The following POLQ variants were observed in gnomAD, a reference collection of about 807,000 sequenced individuals.
POLQ encodes the protein epididymis secretory sperm binding protein.
In POLQ, 233 loss-of-function variants were observed where a neutral mutation model predicts 259.2. The observed-to-expected ratio is 0.90, with a 90% CI of 0.81 to 1.00. The LOEUF (loss-of-function observed/expected upper bound fraction) is 1.00, where lower values mean the gene tolerates loss of function less well. POLQ is among the 50% of genes least tolerant of loss of function. POLQ has a pLI of 0.00. For missense variants in POLQ, 2,871 were observed against 3,051.6 expected (o/e 0.94, Z 1.39); for synonymous variants, 1,025 against 1,048.8 (o/e 0.98, Z 0.44).
chr3:121,531,056 G>A lies in POLQ; in HGVS notation c.961-1264C>T, dbSNP rs141497439. ...TACAAAATTAGTTGGGCATGGTGGC[G>A]CATGTCTGTAATCCCAGCTACTCGG... On this transcript the variant is annotated intron_variant, in intron 6 of 29. Transcript: ENST00000264233. Among the ~76,000 whole-genome samples the A allele has an allele frequency of 3.9e-5, 6 of 152,174 alleles. No individual in the cohort carries two copies. In the East Asian group the frequency reaches 5.8e-4, roughly 15 times the overall value.
intron 4 of POLQ, among the ~76,000 whole-genome samples, chr3:121,538,381 T>C (rs188958774): frequency 3.9e-4 from 59 of 152,108 alleles, no homozygotes; most frequent in African/African-American, 1.3e-3. Flanking sequence ...GTTAAACATT[T>C]TCATAACAAC....
intron 12 of POLQ, among the ~76,000 whole-genome samples, chr3:121,507,731 A>G (rs1294186086): frequency 6.6e-5 from 10 of 152,224 alleles, no homozygotes; most frequent in Non-Finnish European, 1.3e-4. Flanking sequence ...TACTCAAAAA[A>G]TAAATAAATA....
chr3:121,473,365 C>A lies in POLQ; in HGVS notation c.6528G>T (p.Gln2176His). The A allele has an allele frequency of 6.2e-7, 1 of 1,613,868 alleles. No individual in the cohort carries two copies. The highest frequency in any genetic ancestry group is 1.1e-5 in the South Asian group (1 of 90,984). ...DNGRKLRLGR[Q>H]FSTSKDVLNK... is the part of the protein sequence containing the mutation. Reference sequence around the variant, plus strand: ...CAAAGAGCACCTTACTAGTGCTGAACTGTCTTCCCAGCCTTAGCTTGCGTC... The same window carrying A: ...CAAAGAGCACCTTACTAGTGCTGAAATGTCTTCCCAGCCTTAGCTTGCGTC... The change falls in exon 21 of 30, where the codon CAG (glutamine) becomes CAT (histidine). Residue 2176 changes from glutamine to histidine, a missense_variant. Physicochemically the swap from Gln to His is conservative, Grantham distance 24. This residue lies in a region of POLQ where 2,080 missense variants were observed against 2,126.0 expected (regional missense o/e 0.98). Coordinates refer to ENST00000264233, the MANE Select transcript of POLQ (RefSeq NM_199420.4).
At chr3:121,461,849 T>C (rs767166752) in intron 24 of POLQ, among the ~76,000 whole-genome samples, 1 of 152,162 alleles carries the variant, frequency 6.6e-6, no homozygotes, top group Non-Finnish European at 1.5e-5. Context: ...GGAAGGATAG[T>C]GTAGATGACA....
At chr3:121,457,425 G>A (rs1294368903) in intron 25 of POLQ, among the ~76,000 whole-genome samples, 10 of 152,070 alleles carry the variant, frequency 6.6e-5, no homozygotes, top group South Asian at 2.1e-4. Context: ...AGCAAAAGAA[G>A]CTACCATCAG....
Position 121,529,765 on chromosome 3 carries a change from A to C in POLQ, c.988T>G (p.Cys330Gly). Reference protein sequence around the residue: ...KGDEDHVVSLCYETICDNHSV... With the variant: ...KGDEDHVVSLGYETICDNHSV... ...TGGTTATCACAAATCGTCTCATAAC[A>C]TAAACTAACAACATGGTCCTCATCT... Residue 330 changes from cysteine (C) to glycine (G), a missense_variant, in exon 7 of 30, where the codon TGT becomes GGT. By Grantham distance (159) the Cys-to-Gly change is radical (BLOSUM62 -3). This residue lies in a region of POLQ where 783 missense variants were observed against 906.2 expected (regional missense o/e 0.86). Coordinates refer to ENST00000264233, the MANE Select transcript of POLQ (RefSeq NM_199420.4). The C allele has an allele frequency of 3.1e-6, 5 of 1,612,230 alleles. No homozygotes were observed. Among genetic ancestry groups the C allele is most frequent in the Non-Finnish European group, 4.2e-6 (5 of 1,179,028 alleles).
At chr3:121,454,903 C>A (rs1322471584) in intron 25 of POLQ, among the ~76,000 whole-genome samples, 3 of 152,172 alleles carry the variant, frequency 2.0e-5, no homozygotes, top group Non-Finnish European at 2.9e-5. Flanking sequence ...CTACAGAACT[C>A]TCCACCCCAA....
At chr3:121,475,244 T>C (rs2047916607) in intron 20 of POLQ, among the ~76,000 whole-genome samples, 1 of 152,186 alleles carries the variant, frequency 6.6e-6, no homozygotes, top group Non-Finnish European at 1.5e-5. Context: ...TAACAGCTGT[T>C]CCACTTTCCA....
intron 7 of POLQ, among the ~76,000 whole-genome samples, chr3:121,527,226 A>C (rs1440477044): frequency 6.6e-6 from 1 of 151,930 alleles, no homozygotes; most frequent in African/African-American, 2.4e-5. Flanking sequence ...ACGCCTGGCT[A>C]ATTTTTATAT....
chr3:121,452,748 G>A (rs980981579), intron 25 of POLQ, among the ~76,000 whole-genome samples: 14 of 152,200 alleles, frequency 9.2e-5, no homozygotes, highest in Non-Finnish European at 1.6e-4. Flanking sequence ...CTCAAACTGA[G>A]TGGAGCCCAC....
At chr3:121,539,664 A>G in intron 3 of POLQ, 75 bp from the exon 4 acceptor site, 1 of 1,084,700 alleles carries the variant, frequency 9.2e-7, no homozygotes, top group Non-Finnish European at 1.4e-6. Context: ...TCTATCCCAG[A>G]ACATAGACAT....
intron 18 of POLQ, 147 bp from the exon 19 acceptor site, chr3:121,481,959 G>A: frequency 4.1e-6 from 3 of 728,952 alleles, no homozygotes; most frequent in Non-Finnish European, 6.5e-6. Context: ...CAGGAAAGAA[G>A]GAAAGAATAA....
intron 25 of POLQ, 120 bp downstream of exon 25, chr3:121,459,930 C>T: frequency 1.3e-6 from 1 of 759,952 alleles, no homozygotes; most frequent in Non-Finnish European, 2.2e-6. Context: ...ATGAACTGTG[C>T]TTTGAAAGAT....
chr3:121,470,343 T>C (rs1301089351), intron 22 of POLQ, among the ~76,000 whole-genome samples: 1 of 152,208 alleles, frequency 6.6e-6, no homozygotes, highest in Non-Finnish European at 1.5e-5. Flanking sequence ...CGTAAGTTTA[T>C]ATCATTAGCA....
chr3:121,440,068 C>T lies in POLQ; in HGVS notation c.7313G>A (p.Gly2438Glu), dbSNP rs2047577760. 6.2e-7 allele frequency: 1 copy of T among 1,610,030 alleles called. No homozygotes were observed. Among genetic ancestry groups the T allele is most frequent in the South Asian group, 1.1e-5 (1 of 91,002 alleles). ...CCTTCCCAAAATGGTCTGAACAAATCCGTCTCTTTTACAATTCTTCACTGT... is the reference window on the plus strand; with the variant it reads ...CCTTCCCAAAATGGTCTGAACAAATTCGTCTCTTTTACAATTCTTCACTGT... ...TETVKNCKRD[G>E]FVQTILGRRR... is the part of the protein sequence containing the mutation. The change falls in exon 27 of 30, where the codon GGA becomes GAA. Residue 2438 changes from glycine (G) to glutamate (E), a missense_variant. Gly to Glu is a moderately conservative substitution (Grantham distance 98). Coordinates refer to ENST00000264233, the MANE Select transcript of POLQ (RefSeq NM_199420.4).
At chr3:121,493,411 C>T (rs866770807) in intron 15 of POLQ, 67 bp downstream of exon 15, 3 of 1,179,462 alleles carry the variant, frequency 2.5e-6, no homozygotes, top group African/African-American at 3.3e-5. Context: ...AATACATTAT[C>T]TATTATTTTA....
chr3:121,479,765 T>C (rs1211112073), intron 19 of POLQ, among the ~76,000 whole-genome samples: 1 of 152,072 alleles, frequency 6.6e-6, no homozygotes, highest in East Asian at 1.9e-4. Flanking sequence ...CTTATATTCT[T>C]AAGTTAGAAA....
intron 24 of POLQ, among the ~76,000 whole-genome samples, chr3:121,465,089 TC>T (rs1346903069): frequency 6.6e-6 from 1 of 150,624 alleles, no homozygotes; most frequent in Non-Finnish European, 1.5e-5. Flanking sequence ...TTTTCTTTTT[TC>T]TTTTTTTTTT....
In POLQ at chr3:121,485,053, G is replaced by A; in HGVS notation, c.5761C>T (p.Gln1921Ter). The A allele has an allele frequency of 3.7e-6, 6 of 1,610,754 alleles. No individual in the cohort carries two copies. The highest frequency in any genetic ancestry group is 5.1e-6 in the Non-Finnish European group (6 of 1,178,890). The change falls in exon 17 of 30, where the codon CAA becomes TAA. Residue 1921 changes from glutamine (Q) to a stop codon, truncating the protein, a stop_gained. Transcript: ENST00000264233. LOFTEE classifies it high-confidence loss of function. ...ACTCATTACTTACCAGAATGCTTTT[G>A]TTCCTTCTGCAGTGAAAAATAATAG... ...DAYYFSLQKEQKHSEISASLV... is the reference protein window; with the variant it reads ...DAYYFSLQKE
Sources: allele counts gnomAD v4.1 joint callset (sites outside exome capture counted in the v4.1 genomes callset), GRCh38; gene constraint gnomAD v4.1.1; regional missense constraint gnomAD v4.1.1; transcripts MANE v1.5; gene names NCBI Gene and HGNC (gene_info 2026-07-23, HGNC 2026-07-21).